HDAC4: variants seen among roughly 807,000 people sequenced by gnomAD.
HDAC4 encodes the protein histone deacetylase A.
HDAC4 carries 16 observed loss-of-function variants against 135.1 expected under a neutral mutation model. The observed-to-expected ratio is 0.12, with a 90% CI of 0.08 to 0.18. The LOEUF is 0.18. Among genes scored for constraint, HDAC4 ranks in the 10% least tolerant of loss-of-function variants. HDAC4 has a pLI of 1.00. For synonymous variants in HDAC4, 685 were observed against 653.4 expected, an observed-to-expected ratio of 1.05 and a Z score of -0.74; for missense variants, 1,143 against 1,511.8, an observed-to-expected ratio of 0.76 and a Z score of 4.05.
intron 3 of HDAC4, among the ~76,000 whole-genome samples, chr2:239,191,506 C>T (rs895804): frequency 0.19 from 28,319 of 152,256 alleles, 2,633 homozygotes; most frequent in Middle Eastern, 0.23. Context: ...CCCACACTGG[C>T]TTTGTCTCCA....
At chr2:239,110,149 T>C (rs1355198106) in intron 14 of HDAC4, among the ~76,000 whole-genome samples, 3 of 152,234 alleles carry the variant, frequency 2.0e-5, no homozygotes, top group African/African-American at 7.2e-5. Flanking sequence ...CATCTGGCTA[T>C]GCACAGAAAT....
intron 1 of HDAC4, among the ~76,000 whole-genome samples, chr2:239,391,360 C>T (rs1696194135): frequency 6.6e-6 from 1 of 152,166 alleles, no homozygotes; most frequent in South Asian, 2.1e-4. Context: ...GGGGAGACGT[C>T]CACCACACCA....
chr2:239,279,002 C>T (rs774712433), intron 2 of HDAC4, among the ~76,000 whole-genome samples: 9 of 152,170 alleles, frequency 5.9e-5, no homozygotes, highest in Admixed American at 1.3e-4. Flanking sequence ...ACTATGCTGC[C>T]GGCAGGACTG....
intron 20 of HDAC4, among the ~76,000 whole-genome samples, chr2:239,083,713 A>G (rs2035582922): frequency 6.6e-6 from 1 of 152,146 alleles, no homozygotes. Flanking sequence ...GGCACCCCCC[A>G]TTCCAGCAGG....
At chr2:239,259,172 A>G (rs1575546050) in intron 2 of HDAC4, among the ~76,000 whole-genome samples, 1 of 152,190 alleles carries the variant, frequency 6.6e-6, no homozygotes, top group East Asian at 1.9e-4. Flanking sequence ...ACTTGGCCAG[A>G]TGCAGTGGCT....
chr2:239,316,005 A>ATC (rs2053099075), intron 2 of HDAC4, among the ~76,000 whole-genome samples: 1 of 152,222 alleles, frequency 6.6e-6, no homozygotes, highest in African/African-American at 2.4e-5. Context: ...AAAGGCCAAA[A>ATC]TCTCTTCCAT....
intron 2 of HDAC4, among the ~76,000 whole-genome samples, chr2:239,335,526 A>C (rs949393879): frequency 2.6e-5 from 4 of 151,068 alleles, no homozygotes; most frequent in Admixed American, 6.6e-5. Flanking sequence ...AAAAAAAAAA[A>C]AAAACACCAT....
At chr2:239,356,966 G>A (rs145741203) in intron 1 of HDAC4, among the ~76,000 whole-genome samples, 1 of 152,286 alleles carries the variant, frequency 6.6e-6, no homozygotes, top group African/African-American at 2.4e-5. Context: ...GTAGCTGTTA[G>A]AACAAGTAGA....
chr2:239,076,077 C>T (rs1324900500), intron 22 of HDAC4, among the ~76,000 whole-genome samples: 2 of 151,944 alleles, frequency 1.3e-5, no homozygotes, highest in African/African-American at 2.4e-5. Context: ...CAGTAGCAGG[C>T]GGGTGCCAGC....
At chr2:239,246,399 G>T (rs887229393) in intron 2 of HDAC4, among the ~76,000 whole-genome samples, 8 of 152,240 alleles carry the variant, frequency 5.3e-5, no homozygotes, top group African/African-American at 1.7e-4. Context: ...GCCACAGGAC[G>T]CGAGGAGCAG....
chr2:239,217,790 T>C (rs79595823), intron 3 of HDAC4, among the ~76,000 whole-genome samples: 5,355 of 152,182 alleles, frequency 0.035, 322 homozygotes, highest in African/African-American at 0.12. Context: ...ACAAGAAGCA[T>C]TCACAACAGA....
At chr2:239,397,969 C>A (rs1021217467) in intron 1 of HDAC4, among the ~76,000 whole-genome samples, 1 of 152,206 alleles carries the variant, frequency 6.6e-6, no homozygotes, top group Admixed American at 6.5e-5. Flanking sequence ...GACTCCTTAC[C>A]CCAGGACAGA....
At chr2:239,250,213 G>A (rs1039097416) in intron 2 of HDAC4, among the ~76,000 whole-genome samples, 4 of 152,250 alleles carry the variant, frequency 2.6e-5, no homozygotes, top group Non-Finnish European at 4.4e-5. Context: ...GACACGTGTG[G>A]TCCAGACATC....
chr2:239,083,202 A>G (rs2035526578), intron 20 of HDAC4, among the ~76,000 whole-genome samples: 1 of 152,256 alleles, frequency 6.6e-6, no homozygotes. Context: ...CACAGGGTCT[A>G]CGCAGCCTGT....
chr2:239,298,429 T>A lies in HDAC4; in HGVS notation c.22+54249A>T, dbSNP rs541323383. Reference sequence around the variant, plus strand: ...GAAACAGGGTATCCTGAAGTTCAAGTGCATGCACACCGTGGATACTCTAGG... The same window carrying A: ...GAAACAGGGTATCCTGAAGTTCAAGAGCATGCACACCGTGGATACTCTAGG... On this transcript the variant is annotated intron_variant, in intron 2 of 26. Coordinates refer to ENST00000543185, the MANE Select transcript of HDAC4 (RefSeq NM_001378414.1). 6.0e-4 allele frequency: 696 copies of A among 1,167,136 alleles called. 2 individuals carry two copies. Among genetic ancestry groups the A allele is most frequent in the Middle Eastern group, 1.6e-3 (4 of 2,536 alleles). 72.3% of individuals were successfully genotyped at this position (1,167,136 alleles called of 1,614,324 possible).
chr2:239,060,192 T>C (rs2032472593), intron 24 of HDAC4, among the ~76,000 whole-genome samples: 1 of 152,158 alleles, frequency 6.6e-6, no homozygotes, highest in Admixed American at 6.5e-5. Context: ...ACTGGGGCAT[T>C]TCTGAGCCTT....
At chr2:239,091,662 G>A (rs1385916657) in intron 17 of HDAC4, 4 of 152,160 alleles carry the variant, frequency 2.6e-5, no homozygotes, top group South Asian at 2.1e-4. Context: ...CTTTCCAGGC[G>A]GTCTTGAAGC....
At chr2:239,106,703 C>A (rs2038169969) in intron 15 of HDAC4, among the ~76,000 whole-genome samples, 1 of 151,350 alleles carries the variant, frequency 6.6e-6, no homozygotes, top group Non-Finnish European at 1.5e-5. Flanking sequence ...TAAGATGAGG[C>A]ACAGATTAAA....
intron 15 of HDAC4, among the ~76,000 whole-genome samples, chr2:239,107,086 G>A (rs562451828): frequency 3.9e-4 from 59 of 152,280 alleles, no homozygotes; most frequent in African/African-American, 1.3e-3. Context: ...GCTCCCAGAC[G>A]GGAGTCTCTT....
Sources: gnomAD v4.1 joint callset for allele counts (sites outside exome capture counted in the v4.1 genomes callset) on GRCh38, gnomAD v4.1.1 for gene constraint, MANE v1.5 for transcripts, NCBI Gene and HGNC (gene_info 2026-07-23, HGNC 2026-07-21) for gene names.